PDE4D: variants seen among roughly 807,000 people sequenced by gnomAD.
The protein encoded by PDE4D is 3',5'-cyclic-AMP phosphodiesterase 4D.
In PDE4D, 24 loss-of-function variants were observed where a neutral mutation model predicts 87.4. That is an observed-to-expected ratio of 0.27 (90% CI 0.20 to 0.39). The LOEUF (loss-of-function observed/expected upper bound fraction) is 0.39. Among genes scored for constraint, PDE4D ranks in the 10% least tolerant of loss-of-function variants. The pLI is 1.00. For missense variants in PDE4D, 714 were observed against 1,041.0 expected, an observed-to-expected ratio of 0.69 and a Z score of 4.32; for synonymous variants, 384 against 383.2, an observed-to-expected ratio of 1.00 and a Z score of -0.02.
At chr5:59,830,475 A>G (rs996879562) in intron 1 of PDE4D, among the ~76,000 whole-genome samples, 2 of 152,146 alleles carry the variant, frequency 1.3e-5, no homozygotes, top group African/African-American at 4.8e-5. Flanking sequence ...TCTTTCAGTC[A>G]TCATCCAAGA....
chr5:59,136,235 T>C (rs1483928306), intron 5 of PDE4D, among the ~76,000 whole-genome samples: 1 of 152,168 alleles, frequency 6.6e-6, no homozygotes, highest in Middle Eastern at 3.2e-3. Context: ...TTAAATTAGA[T>C]GGGGAAAATA....
At chr5:60,045,328 T>C (rs945197879) in intron 2 of PDE4D, among the ~76,000 whole-genome samples, 4 of 152,130 alleles carry the variant, frequency 2.6e-5, no homozygotes, top group Admixed American at 6.5e-5. Context: ...TTCACTCTGA[T>C]GGTAGTTTCT....
At chr5:59,939,005 C>G (rs1756901841) in intron 3 of PDE4D, among the ~76,000 whole-genome samples, 1 of 152,170 alleles carries the variant, frequency 6.6e-6, no homozygotes, top group South Asian at 2.1e-4. Flanking sequence ...TAAAGTATGT[C>G]ATTTCCTAGC....
chr5:60,047,124 A>C (rs1769374609), intron 2 of PDE4D, among the ~76,000 whole-genome samples: 1 of 152,026 alleles, frequency 6.6e-6, no homozygotes, highest in South Asian at 2.1e-4. Context: ...GAATTTATCC[A>C]TTTCTTCTAG....
intron 1 of PDE4D, among the ~76,000 whole-genome samples, chr5:59,541,054 C>G (rs1440647051): frequency 1.3e-5 from 2 of 152,034 alleles, no homozygotes; most frequent in Admixed American, 6.6e-5. Context: ...GAAACGACGC[C>G]CTTAATAATG....
intron 1 of PDE4D, among the ~76,000 whole-genome samples, chr5:59,454,550 C>A (rs1799633154): frequency 6.6e-6 from 1 of 152,132 alleles, no homozygotes; most frequent in Admixed American, 6.5e-5. Flanking sequence ...TCTCCCCAGT[C>A]TCAGGTATGT....
rs140508177 is a variant in PDE4D at position 60,005,663 on chromosome 5, A to G, written c.43-16946T>C. ...CTTAATAAAGCTGGGGAAACAAAAA[A>G]CAAAATATGCTTATCCTCTCAAAAT... On this transcript the variant is annotated intron_variant, in intron 2 of 16. Transcript: ENST00000502484. Among the ~76,000 whole-genome samples the G allele has an allele frequency of 2.3e-4, 35 of 152,124 alleles. No homozygotes were observed. The East Asian group carries it at 4.4e-3, about 19-fold the overall frequency.
At chr5:60,473,129 AAGGAAGGAAGGAAGG>A (rs1561294252) in intron 1 of PDE4D, among the ~76,000 whole-genome samples, 1,041 of 62,434 alleles carry the variant, frequency 0.017, 4 homozygotes, top group African/African-American at 0.026. Flanking sequence ...GAAAGAAAGG[AAGGAAGGAAGGAAGG>A]AAGGAAGGAA....
chr5:59,834,801 G>A (rs1581330673), intron 1 of PDE4D, among the ~76,000 whole-genome samples: 1 of 152,106 alleles, frequency 6.6e-6, no homozygotes, highest in East Asian at 1.9e-4. Context: ...AATAAACCAC[G>A]TTGAAATTTC....
At chr5:60,293,722 C>T (rs1375185077) in intron 1 of PDE4D, among the ~76,000 whole-genome samples, 1 of 152,118 alleles carries the variant, frequency 6.6e-6, no homozygotes, top group Non-Finnish European at 1.5e-5. Context: ...GATTCCTTGA[C>T]TCAGCATTTT....
chr5:60,304,417 G>A (rs533923939), intron 1 of PDE4D, among the ~76,000 whole-genome samples: 43 of 151,484 alleles, frequency 2.8e-4, no homozygotes, highest in Middle Eastern at 3.4e-3. Context: ...AGGCCGAGGC[G>A]GGTGGATCAT....
At chr5:60,263,603 T>A (rs1029371265) in intron 1 of PDE4D, among the ~76,000 whole-genome samples, 2 of 152,186 alleles carry the variant, frequency 1.3e-5, no homozygotes, top group African/African-American at 2.4e-5. Flanking sequence ...TTCTGTTGCT[T>A]CAATACACAG....
intron 1 of PDE4D, among the ~76,000 whole-genome samples, chr5:59,514,242 A>C (rs2153670057): frequency 6.6e-6 from 1 of 151,750 alleles, no homozygotes; most frequent in East Asian, 2.0e-4. Context: ...AGTAGCTGGG[A>C]CTACAGGCGC....
chr5:59,607,634 G>A (rs1828392389), intron 1 of PDE4D, among the ~76,000 whole-genome samples: 2 of 152,050 alleles, frequency 1.3e-5, no homozygotes, highest in South Asian at 4.1e-4. Context: ...GGAATGAAGT[G>A]AGATGTCAGT....
chr5:60,001,834 T>C (rs1243148907), intron 2 of PDE4D, among the ~76,000 whole-genome samples: 2 of 137,986 alleles, frequency 1.4e-5, no homozygotes, highest in Non-Finnish European at 3.1e-5. Flanking sequence ...ATATTATAAT[T>C]AAAAGATGCT....
intron 1 of PDE4D, among the ~76,000 whole-genome samples, chr5:60,321,935 A>T (rs962695631): frequency 3.3e-5 from 5 of 152,124 alleles, no homozygotes; most frequent in Non-Finnish European, 7.4e-5. Context: ...GATAAAAGGG[A>T]ACGCTTACAC....
At chr5:60,195,312 C>T (rs1490257287) in intron 1 of PDE4D, among the ~76,000 whole-genome samples, 1 of 151,708 alleles carries the variant, frequency 6.6e-6, no homozygotes, top group Non-Finnish European at 1.5e-5. Context: ...TTGTACGTCA[C>T]TGCCAACCTT....
intron 1 of PDE4D, among the ~76,000 whole-genome samples, chr5:60,271,941 C>T (rs1352729838): frequency 2.6e-5 from 4 of 152,022 alleles, no homozygotes; most frequent in Non-Finnish European, 2.9e-5. Flanking sequence ...TTCAAAGAAA[C>T]GGAGGAGATG....
chr5:59,565,215 T>C (rs1202116449), intron 1 of PDE4D, among the ~76,000 whole-genome samples: 2 of 152,054 alleles, frequency 1.3e-5, no homozygotes, highest in Admixed American at 6.5e-5. Flanking sequence ...TGGAGGCCTG[T>C]ACACTATTTA....
Sources: allele counts gnomAD v4.1 joint callset (sites outside exome capture counted in the v4.1 genomes callset), GRCh38; gene constraint gnomAD v4.1.1; transcripts MANE v1.5; gene names NCBI Gene and HGNC (gene_info 2026-07-23, HGNC 2026-07-21).